Variants in STOX2 observed in about 807,000 individuals in gnomAD.
The protein encoded by STOX2 is storkhead box 2.
In STOX2, 28 loss-of-function variants were observed where a neutral mutation model predicts 60.9. The observed-to-expected ratio is 0.46, with a 90% CI of 0.34 to 0.63. The LOEUF is 0.63. STOX2 is among the 30% of genes least tolerant of loss of function. The pLI is 0.01. For missense variants in STOX2, 1,024 were observed against 1,187.7 expected, an observed-to-expected ratio of 0.86 and a Z score of 2.03; for synonymous variants, 472 against 463.9, an observed-to-expected ratio of 1.02 and a Z score of -0.22.
intron 1 of STOX2, among the ~76,000 whole-genome samples, chr4:183,863,086 G>T (rs1740487091): frequency 6.6e-6 from 1 of 152,196 alleles, no homozygotes; most frequent in Non-Finnish European, 1.5e-5. Context: ...GAAGCAGGTA[G>T]CCTTGTGTCT....
rs555341462 is a variant in STOX2 at position 184,017,295 on chromosome 4, GC to G, written c.*13del. 8.9e-6 allele frequency: 14 copies of G among 1,576,558 alleles called. No homozygotes were observed. The East Asian group carries it at 2.8e-4, about 31-fold the overall frequency. On this transcript the variant is annotated 3_prime_UTR_variant, in exon 4 of 4. Transcript: ENST00000308497. ...GTTACTAGCGTGTGATTGTCCTTCT[GC>G]CTCAGATCTTCTGTCTCATTCGATA...
chr4:183,855,615 T>C (rs1404372932), intron 1 of STOX2, among the ~76,000 whole-genome samples: 2 of 152,196 alleles, frequency 1.3e-5, no homozygotes, highest in Admixed American at 6.5e-5. Context: ...GGAAAATCTT[T>C]TGTGAAGTTT....
rs1553967453 is a variant in STOX2 at position 183,843,158 on chromosome 4, A to AAAAAAAAAG, written c.364+45108_364+45109insAAAGAAAAA. On this transcript the variant is annotated intron_variant, in intron 1 of 2. Transcript: ENST00000513034. ...GCGAGACTCCATCTCAAAAAAAAAA[A>AAAAAAAAAG]AAAAAGAAAAAGAAAAAGAAAAAGA... Among the ~76,000 whole-genome samples, 176 of 150,688 alleles carry AAAAAAAAAG rather than the reference A, an allele frequency of 1.2e-3. 1 individual carries two copies. Among genetic ancestry groups the AAAAAAAAAG allele is most frequent in the African/African-American group, 4.2e-3 (169 of 40,408 alleles).
At position 183,937,965 on chromosome 4, in the gene STOX2, T is replaced by C. The variant is rs539717791; in HGVS notation, c.166+31009T>C. On this transcript the variant is annotated intron_variant, in intron 1 of 3. Transcript: ENST00000308497. ...GAGTTCAAGACCAGCCTGGGCAACATGGCAAAACCCCTTCTCTACAAAAAA... is the reference window on the plus strand; with the variant it reads ...GAGTTCAAGACCAGCCTGGGCAACACGGCAAAACCCCTTCTCTACAAAAAA... Among the ~76,000 whole-genome samples the C allele has an allele frequency of 2.0e-5, 3 of 152,232 alleles. No homozygotes were observed. In the South Asian group the frequency reaches 6.2e-4, roughly 32 times the overall value.
chr4:183,875,106 T>C (rs550074995), intron 1 of STOX2, among the ~76,000 whole-genome samples: 16 of 150,812 alleles, frequency 1.1e-4, no homozygotes, highest in African/African-American at 3.9e-4. Context: ...GTCCTTCCAC[T>C]GTCTGCAGAC....
In STOX2 at chr4:184,017,457, G is replaced by T; in HGVS notation, c.*173G>T. On this transcript the variant is annotated 3_prime_UTR_variant, in exon 4 of 4. Coordinates refer to ENST00000308497, the MANE Select transcript of STOX2 (RefSeq NM_020225.3). Reference sequence around the variant, plus strand: ...AAAAACAAAAAATCTTTATTTCAGAGTATTGCTTTTCACATTTATGGCTCT... The same window carrying T: ...AAAAACAAAAAATCTTTATTTCAGATTATTGCTTTTCACATTTATGGCTCT... 1.7e-6 allele frequency: 1 copy of T among 587,530 alleles called. No individual in the cohort carries two copies. Among genetic ancestry groups the T allele is most frequent in the Non-Finnish European group, 2.9e-6 (1 of 342,684 alleles). 36.4% of individuals were successfully genotyped at this position (587,530 alleles called of 1,614,324 possible).
chr4:183,820,412 G>C (rs955487236), intron 1 of STOX2, among the ~76,000 whole-genome samples: 6 of 152,236 alleles, frequency 3.9e-5, no homozygotes, highest in Admixed American at 3.3e-4. Flanking sequence ...ATTGTCAGGT[G>C]ACAAACCTGG....
chr4:184,014,874 C>G (rs1734303157), intron 3 of STOX2: 3 of 152,110 alleles, frequency 2.0e-5, no homozygotes, highest in Non-Finnish European at 4.4e-5. Context: ...TTTACGGTGC[C>G]TGGTATACAG....
intron 1 of STOX2, among the ~76,000 whole-genome samples, chr4:183,911,702 C>T (rs1245942414): frequency 3.3e-5 from 5 of 152,184 alleles, no homozygotes; most frequent in African/African-American, 7.2e-5. Flanking sequence ...CCCTACACCC[C>T]GGAGAATTAG....
chr4:183,820,172 G>A (rs773449442), intron 1 of STOX2, among the ~76,000 whole-genome samples: 10 of 152,140 alleles, frequency 6.6e-5, no homozygotes, highest in South Asian at 2.1e-4. Flanking sequence ...TGATCCTCCC[G>A]CCTCGGCCTC....
rs1170891872 is a variant in STOX2, at chr4:183,836,232, G to A, written c.364+38177G>A. ...CATTGACTTTGGTATTTGTTGTTTG[G>A]ACTCTCCTTCTCCTGGCTTGTGGAG... On this transcript the variant is annotated intron_variant, in intron 1 of 2. Coordinates refer to the STOX2 transcript ENST00000513034. This position sits in a 1 kb window ranked among gnomAD's most constrained non-coding sequence, Gnocchi z 4.1. 6.6e-6 allele frequency among the ~76,000 whole-genome samples: 1 copy of A among 152,086 alleles called. No individual in the cohort carries two copies. Among genetic ancestry groups the A allele is most frequent in the Non-Finnish European group, 1.5e-5 (1 of 68,028 alleles).
Position 184,019,943 on chromosome 4 carries a change from C to T in STOX2, c.*2659C>T, listed in dbSNP as rs1734510210. 6.6e-6 allele frequency: 1 copy of T among 152,166 alleles called. No homozygotes were observed. Among genetic ancestry groups the T allele is most frequent in the South Asian group, 2.1e-4 (1 of 4,822 alleles). 9.4% of individuals were successfully genotyped at this position (152,166 alleles called of 1,614,324 possible). On this transcript the variant is annotated 3_prime_UTR_variant, in exon 4 of 4. Coordinates refer to ENST00000308497, the MANE Select transcript of STOX2 (RefSeq NM_020225.3). ...ATCATAGCTTTGTGTTACACGACTG[C>T]TTATCCAGTCTTAGGGTTTAGCAGC...
intron 1 of STOX2, among the ~76,000 whole-genome samples, chr4:183,838,107 C>A (rs912043754): frequency 6.6e-6 from 1 of 151,046 alleles, no homozygotes; most frequent in African/African-American, 2.4e-5. Flanking sequence ...AATTTATCTC[C>A]TTTTTTCTCT....
Position 183,825,523 on chromosome 4 carries a change from C to T in STOX2, c.364+27468C>T, listed in dbSNP as rs6854211. Among the ~76,000 whole-genome samples the T allele has an allele frequency of 0.046, 6,980 of 152,212 alleles. 544 individuals are homozygous for T. The highest frequency in any genetic ancestry group is 0.16 in the African/African-American group (6,541 of 41,494). On this transcript the variant is annotated intron_variant, in intron 1 of 2. Coordinates refer to the STOX2 transcript ENST00000513034. The surrounding 1 kb of genome is among the most constrained non-coding windows in gnomAD (Gnocchi z 4.1). ...GGGTGAATAGACGTTCCTTCAGGCCCAAGTGCAGGCAGCCACCCTCGCTGT... is the reference window on the plus strand; with the variant it reads ...GGGTGAATAGACGTTCCTTCAGGCCTAAGTGCAGGCAGCCACCCTCGCTGT...
At chr4:183,881,880 T>C (rs1740968220) in intron 1 of STOX2, among the ~76,000 whole-genome samples, 1 of 152,234 alleles carries the variant, frequency 6.6e-6, no homozygotes, top group Non-Finnish European at 1.5e-5. Flanking sequence ...GAGACATCTT[T>C]GGGTATTCTC....
chr4:183,917,298 C>T (rs921690687), intron 1 of STOX2, among the ~76,000 whole-genome samples: 2 of 152,158 alleles, frequency 1.3e-5, no homozygotes, highest in African/African-American at 2.4e-5. Context: ...CACAGGGGCC[C>T]GAAGGAGCAA....
intron 1 of STOX2, chr4:183,988,549 C>G (rs1317361485): frequency 1.3e-5 from 2 of 152,184 alleles, no homozygotes; most frequent in Non-Finnish European, 2.9e-5. Flanking sequence ...GTAAGAAGAG[C>G]TGAGAGTTCT....
intron 1 of STOX2, among the ~76,000 whole-genome samples, chr4:183,994,155 C>T (rs1024856917): frequency 4.6e-5 from 7 of 152,120 alleles, no homozygotes; most frequent in Admixed American, 2.6e-4. Flanking sequence ...TAAAACTTGG[C>T]GAAAGAATCG....
At chr4:183,919,385 G>C (rs924970335) in intron 1 of STOX2, among the ~76,000 whole-genome samples, 3 of 152,174 alleles carry the variant, frequency 2.0e-5, no homozygotes, top group Non-Finnish European at 4.4e-5. Context: ...ACTGGCCGTG[G>C]GCCAGCTAGA....
Sources: allele counts gnomAD v4.1 joint callset (sites outside exome capture counted in the v4.1 genomes callset), GRCh38; gene constraint gnomAD v4.1.1; non-coding constraint Gnocchi (gnomAD v3.1); transcripts MANE v1.5; gene names NCBI Gene and HGNC (gene_info 2026-07-23, HGNC 2026-07-21).